The following FHIT variants were observed in gnomAD, a reference collection of about 807,000 sequenced individuals.
FHIT encodes bis(5'-adenosyl)-triphosphatase.
A neutral mutation model predicts 17.9 loss-of-function variants in FHIT; 19 were observed. The ratio of observed to expected loss-of-function variants is 1.06; its 90% CI spans 0.74 to 1.56. The LOEUF (loss-of-function observed/expected upper bound fraction) is 1.56. FHIT is among the 40% of genes most tolerant of loss of function. FHIT has a pLI of 0.00. For synonymous variants in FHIT, 81 were observed against 69.7 expected (o/e 1.16, Z -0.81); for missense variants, 248 against 189.2 (o/e 1.31, Z -1.82).
In FHIT at chr3:61,185,152, C is replaced by A. The variant is rs562825847; in HGVS notation, c.-164+15465G>T. Among the ~76,000 whole-genome samples, 144 of 152,264 alleles carry A rather than the reference C, an allele frequency of 9.5e-4. 1 individual carries two copies. Among genetic ancestry groups the A allele is most frequent in the Non-Finnish European group, 2.6e-4 (18 of 68,022 alleles). ...GTGTAGCATATGTTCATAAGCTTTC[C>A]TTTTGTAGCATTTATGGATTCATTC... On this transcript the variant is annotated intron_variant, in intron 2 of 9. Coordinates refer to ENST00000492590, the MANE Select transcript of FHIT (RefSeq NM_002012.4).
At chr3:60,281,083 A>G (rs1461434534) in intron 5 of FHIT, among the ~76,000 whole-genome samples, 1 of 14,090 alleles carries the variant, frequency 7.1e-5, no homozygotes, top group Non-Finnish European at 1.5e-4. Context: ...TTGAAATTAG[A>G]AGCACAATAT....
chr3:60,806,577 G>A (rs1447924), intron 4 of FHIT, among the ~76,000 whole-genome samples: 141,153 of 152,300 alleles, frequency 0.93, 66,317 homozygotes, highest in Non-Finnish European at 1. Context: ...CATCAATACC[G>A]TAAGCTAATG....
chr3:60,172,089 T>C, intron 5 of FHIT, among the ~76,000 whole-genome samples: 1 of 152,152 alleles, frequency 6.6e-6, no homozygotes. Flanking sequence ...CAGGTATTAT[T>C]CAAACAAGCA....
Position 60,242,462 on chromosome 3 carries a change from G to A in FHIT, c.104-228310C>T, listed in dbSNP as rs556657171. 2.3e-4 allele frequency among the ~76,000 whole-genome samples: 35 copies of A among 152,074 alleles called. No homozygotes were observed. The South Asian group carries it at 4.8e-3, about 21-fold the overall frequency. ...TTCCAGGCATGTTCTATATTCGTGT[G>A]TATGTATGTTTGCTTCTCCCCAATC... On this transcript the variant is annotated intron_variant, in intron 5 of 9. Coordinates refer to ENST00000492590, the MANE Select transcript of FHIT (RefSeq NM_002012.4).
At chr3:60,475,097 G>A (rs774652155) in intron 5 of FHIT, among the ~76,000 whole-genome samples, 1 of 141,394 alleles carries the variant, frequency 7.1e-6, no homozygotes, top group African/African-American at 3.2e-5. Flanking sequence ...GGGGGAAAAC[G>A]AAAAACTCTT....
At chr3:61,076,495 A>T (rs2034976156) in intron 2 of FHIT, among the ~76,000 whole-genome samples, 2 of 152,184 alleles carry the variant, frequency 1.3e-5, no homozygotes, top group Non-Finnish European at 2.9e-5. Context: ...CGGACCATGC[A>T]TGCCTCAGTC....
At chr3:60,040,732 TAGA>T (rs924691550) in intron 5 of FHIT, among the ~76,000 whole-genome samples, 16 of 152,076 alleles carry the variant, frequency 1.1e-4, no homozygotes, top group Non-Finnish European at 2.1e-4. Flanking sequence ...ATGTAAGAAC[TAGA>T]AGGAGAGACT....
chr3:60,019,666 C>T (rs1575901531), intron 5 of FHIT, among the ~76,000 whole-genome samples: 1 of 152,158 alleles, frequency 6.6e-6, no homozygotes, highest in African/African-American at 2.4e-5. Flanking sequence ...GATCCACCTG[C>T]CTTCACCTCC....
At chr3:60,286,994 C>T (rs1310132814) in intron 5 of FHIT, among the ~76,000 whole-genome samples, 1 of 152,072 alleles carries the variant, frequency 6.6e-6, no homozygotes, top group Non-Finnish European at 1.5e-5. Flanking sequence ...GCCTGATGAC[C>T]CTTCTTTTGC....
intron 8 of FHIT, among the ~76,000 whole-genome samples, chr3:59,895,719 T>C (rs1704040281): frequency 6.6e-6 from 1 of 152,368 alleles, no homozygotes; most frequent in East Asian, 1.9e-4. Flanking sequence ...GCTTTTGCTC[T>C]TGACCTCTAA....
intron 5 of FHIT, among the ~76,000 whole-genome samples, chr3:60,103,900 C>A (rs946756106): frequency 6.6e-6 from 1 of 152,182 alleles, no homozygotes; most frequent in Non-Finnish European, 1.5e-5. Flanking sequence ...ATTGCCACTT[C>A]TAAAAAGCAG....
At position 61,214,839 on chromosome 3, in the gene FHIT, A is replaced by T. The variant is rs531860431; in HGVS notation, c.-212-14174T>A. On this transcript the variant is annotated intron_variant, in intron 1 of 9. Transcript: ENST00000492590. ...CAAGTGGGCTTCATCCCTGGGATGC[A>T]AGGCTGGTCCAATGTATGCAAATCA... 7.9e-5 allele frequency among the ~76,000 whole-genome samples: 12 copies of T among 152,348 alleles called. No individual in the cohort carries two copies. The South Asian group carries it at 2.5e-3, about 32-fold the overall frequency.
At chr3:60,372,343 T>C (rs920468372) in intron 5 of FHIT, among the ~76,000 whole-genome samples, 1 of 152,218 alleles carries the variant, frequency 6.6e-6, no homozygotes, top group Non-Finnish European at 1.5e-5. Flanking sequence ...TTGGAAATTC[T>C]TATTAACATT....
intron 5 of FHIT, among the ~76,000 whole-genome samples, chr3:60,517,728 T>G (rs1299792764): frequency 6.6e-6 from 1 of 152,216 alleles, no homozygotes; most frequent in Non-Finnish European, 1.5e-5. Flanking sequence ...CACATTATAG[T>G]TGTGCCACAA....
chr3:60,762,114 A>G (rs1296478044), intron 4 of FHIT, among the ~76,000 whole-genome samples: 1 of 152,190 alleles, frequency 6.6e-6, no homozygotes, highest in Non-Finnish European at 1.5e-5. Flanking sequence ...GGTGGGATGT[A>G]AAACATAAAT....
intron 3 of FHIT, among the ~76,000 whole-genome samples, chr3:60,949,414 A>G (rs2107451636): frequency 6.6e-6 from 1 of 152,342 alleles, no homozygotes; most frequent in East Asian, 1.9e-4. Context: ...ACCTTTGTAC[A>G]AAAAGAAACA....
chr3:60,377,495 G>A (rs1700618907), intron 5 of FHIT, among the ~76,000 whole-genome samples: 1 of 63,136 alleles, frequency 1.6e-5, no homozygotes, highest in Non-Finnish European at 2.9e-5. Context: ...TTTTTTTTGA[G>A]ACGGAGTCTC....
At chr3:60,482,645 A>G (rs1488521154) in intron 5 of FHIT, among the ~76,000 whole-genome samples, 1 of 152,214 alleles carries the variant, frequency 6.6e-6, no homozygotes, top group Non-Finnish European at 1.5e-5. Context: ...CAAAGAGACA[A>G]CATATCAGAA....
chr3:60,510,406 A>AC (rs1194816862), intron 5 of FHIT, among the ~76,000 whole-genome samples: 1 of 152,046 alleles, frequency 6.6e-6, no homozygotes, highest in African/African-American at 2.4e-5. Flanking sequence ...GAATTTTAGG[A>AC]CCCCCTAAGA....
Sources: gnomAD v4.1 joint callset for allele counts (sites outside exome capture counted in the v4.1 genomes callset) on GRCh38, gnomAD v4.1.1 for gene constraint, MANE v1.5 for transcripts, NCBI Gene and HGNC (gene_info 2026-07-23, HGNC 2026-07-21) for gene names.